The following MICU1 variants were observed in gnomAD, a reference collection of about 807,000 sequenced individuals.
MICU1 encodes mitochondrial calcium uptake 1, also known as calcium uptake protein 1, mitochondrial.
A neutral mutation model predicts 56.8 loss-of-function variants in MICU1; 45 were observed. The ratio of observed to expected loss-of-function variants is 0.79; its 90% CI spans 0.62 to 1.02. MICU1 has a LOEUF of 1.02. Ranked by LOEUF, MICU1 falls within the 50% of genes least tolerant of loss-of-function variation. The pLI, the probability that MICU1 is intolerant of heterozygous loss-of-function variation, is 0.00. For synonymous variants in MICU1, 186 were observed against 195.1 expected (o/e 0.95, Z 0.39); for missense variants, 504 against 587.1 (o/e 0.86, Z 1.46).
chr10:72,522,308 C>CTA (rs1463575834), intron 5 of MICU1, among the ~76,000 whole-genome samples: 1 of 151,980 alleles, frequency 6.6e-6, no homozygotes, highest in Non-Finnish European at 1.5e-5. Flanking sequence ...GATGAAAAAG[C>CTA]TAAAGATGAA....
intron 8 of MICU1, among the ~76,000 whole-genome samples, chr10:72,461,694 A>C (rs778658335): frequency 5.9e-5 from 9 of 152,222 alleles, no homozygotes; most frequent in Non-Finnish European, 8.8e-5. Flanking sequence ...TCATGCCTGT[A>C]ATCCCAGCAC....
At chr10:72,513,683 T>C (rs1181947922) in intron 5 of MICU1, among the ~76,000 whole-genome samples, 1 of 152,150 alleles carries the variant, frequency 6.6e-6, no homozygotes, top group African/African-American at 2.4e-5. Context: ...ATTTGCTCTT[T>C]TTTTTTAGGT....
At chr10:72,563,737 T>G (rs1027853918) in intron 2 of MICU1, among the ~76,000 whole-genome samples, 5 of 152,186 alleles carry the variant, frequency 3.3e-5, no homozygotes, top group Admixed American at 1.3e-4. Flanking sequence ...TCCACACGTC[T>G]TCCCATTGAA....
intron 8 of MICU1, among the ~76,000 whole-genome samples, chr10:72,467,269 C>T (rs1257074482): frequency 2.0e-5 from 3 of 152,198 alleles, no homozygotes; most frequent in South Asian, 2.1e-4. Flanking sequence ...CTGCAACTTC[C>T]GCCTCCCGGG....
At chr10:72,431,131 T>TCTATCTAC (rs1864516640) in intron 8 of MICU1, among the ~76,000 whole-genome samples, 1 of 151,516 alleles carries the variant, frequency 6.6e-6, no homozygotes, top group Non-Finnish European at 1.5e-5. Context: ...TATCTATCTA[T>TCTATCTAC]CTATCTATCT....
intron 9 of MICU1, among the ~76,000 whole-genome samples, chr10:72,422,594 A>C (rs1196338787): frequency 6.6e-6 from 1 of 151,968 alleles, no homozygotes; most frequent in African/African-American, 2.4e-5. Context: ...TTTCACCAAA[A>C]CCAATGGATG....
chr10:72,512,100 G>GTTTT lies in MICU1; in HGVS notation c.538-3835_538-3832dup, dbSNP rs1199987987. On this transcript the variant is annotated intron_variant, in intron 5 of 11. Coordinates refer to ENST00000361114, the MANE Select transcript of MICU1 (RefSeq NM_001195518.2). The stretch of plus-strand genomic sequence containing the variant: ...ATCAATCTGGCATCCATACACAGTT[G>GTTTT]TTTTTTGTTTTTTTTTTTTTTTTTT... Among the ~76,000 whole-genome samples, 318 of 82,340 alleles carry GTTTT rather than the reference G, an allele frequency of 3.9e-3. 33 individuals carry two copies. Among genetic ancestry groups the GTTTT allele is most frequent in the African/African-American group, 0.011 (183 of 17,242 alleles). The allele number at this position is 82,340 out of a possible 152,430, so 54.0% of individuals were successfully genotyped here.
At chr10:72,499,012 T>A in intron 6 of MICU1, among the ~76,000 whole-genome samples, 1 of 152,254 alleles carries the variant, frequency 6.6e-6, no homozygotes, top group African/African-American at 2.4e-5. Context: ...ATTATAAGAA[T>A]ATTATTATTT....
chr10:72,429,881 C>G (rs11000297), intron 8 of MICU1, among the ~76,000 whole-genome samples: 1 of 152,142 alleles, frequency 6.6e-6, no homozygotes. Context: ...TAGTATTATT[C>G]TATTTCAAAA....
At chr10:72,527,806 G>A (rs1467484527) in intron 5 of MICU1, among the ~76,000 whole-genome samples, 1 of 152,130 alleles carries the variant, frequency 6.6e-6, no homozygotes, top group Non-Finnish European at 1.5e-5. Context: ...ATATAGTCAA[G>A]CATTTTTCAT....
chr10:72,568,368 C>A (rs1401156104), intron 1 of MICU1, among the ~76,000 whole-genome samples: 1 of 152,178 alleles, frequency 6.6e-6, no homozygotes, highest in Non-Finnish European at 1.5e-5. Context: ...AATGCCAGGT[C>A]ATAAATTTCC....
At chr10:72,595,735 G>A (rs935360849) in intron 1 of MICU1, among the ~76,000 whole-genome samples, 1 of 152,116 alleles carries the variant, frequency 6.6e-6, no homozygotes, top group African/African-American at 2.4e-5. Flanking sequence ...GTCTGGACAA[G>A]CTAAAGGAAG....
chr10:72,370,665 T>C (rs1306729251), intron 11 of MICU1, among the ~76,000 whole-genome samples: 2 of 152,200 alleles, frequency 1.3e-5, no homozygotes, highest in Non-Finnish European at 2.9e-5. Context: ...GGTAATGTGA[T>C]GTTTCTAAAT....
chr10:72,421,400 G>A (rs1392902007), intron 9 of MICU1, among the ~76,000 whole-genome samples: 1 of 152,080 alleles, frequency 6.6e-6, no homozygotes, highest in African/African-American at 2.4e-5. Flanking sequence ...TCAGCCTCCT[G>A]AGTAGCTGAG....
rs560708389 is a variant in MICU1 at position 72,587,750 on chromosome 10, C to CTCCA, written c.-1-20960_-1-20957dup. On this transcript the variant is annotated intron_variant, in intron 1 of 11. Transcript: ENST00000361114. ...AGTGAGCTGAGATCGCACCACTGCA[C>CTCCA]TCCAGCCTAGGTGACAGAGTGAGAC... Among the ~76,000 whole-genome samples the CTCCA allele has an allele frequency of 5.9e-3, 904 of 151,992 alleles. 9 individuals carry two copies. The highest frequency in any genetic ancestry group is 9.4e-3 in the Non-Finnish European group (640 of 67,960).
At chr10:72,420,216 C>T (rs1011844414) in intron 9 of MICU1, among the ~76,000 whole-genome samples, 18 of 152,106 alleles carry the variant, frequency 1.2e-4, no homozygotes, top group Admixed American at 1.1e-3. Flanking sequence ...TGCACCACCA[C>T]GCCGGGCTAA....
chr10:72,606,321 G>A (rs1029403107), intron 1 of MICU1, among the ~76,000 whole-genome samples: 4 of 151,734 alleles, frequency 2.6e-5, no homozygotes, highest in South Asian at 2.1e-4. Context: ...AGACCAGCCC[G>A]GCCAACACAG....
intron 5 of MICU1, among the ~76,000 whole-genome samples, chr10:72,522,204 A>G (rs1404614768): frequency 6.6e-6 from 1 of 152,140 alleles, no homozygotes. Flanking sequence ...GACCTTAAGC[A>G]TGCTAGAATG....
intron 5 of MICU1, 41 bp from the exon 6 acceptor site, chr10:72,508,310 A>G: frequency 1.2e-6 from 1 of 818,562 alleles, no homozygotes; most frequent in Non-Finnish European, 1.9e-6. Context: ...AAAAATATAT[A>G]AGTGAATTAG....
Sources: gnomAD v4.1 joint callset for allele counts (sites outside exome capture counted in the v4.1 genomes callset) on GRCh38, gnomAD v4.1.1 for gene constraint, MANE v1.5 for transcripts, NCBI Gene and HGNC (gene_info 2026-07-23, HGNC 2026-07-21) for gene names.